Variants in REEP1 observed in about 807,000 individuals in gnomAD.
REEP1 encodes the protein receptor accessory protein 1.
REEP1 carries 22 observed loss-of-function variants against 40.3 expected under a neutral mutation model. The observed-to-expected ratio is 0.55, with a 90% CI of 0.39 to 0.78. The LOEUF (loss-of-function observed/expected upper bound fraction) is 0.78, where lower values mean the gene tolerates loss of function less well. REEP1 is among the 30% of genes least tolerant of loss of function. The pLI is 0.00. For missense variants in REEP1, 280 were observed against 361.1 expected (o/e 0.78, Z 1.82); for synonymous variants, 116 against 139.2 (o/e 0.83, Z 1.17).
Position 86,254,681 on chromosome 2 carries a change from C to A in REEP1, c.303+13G>T. ...TTGCTAGAAAGAATGAAAGACATGG[C>A]AGCATATATTACCTTTTCTTTTGAA... On this transcript the variant is annotated intron_variant, in intron 4 of 8. Transcript: ENST00000538924. The A allele has an allele frequency of 3.1e-6, 5 of 1,611,948 alleles. No individual in the cohort carries two copies. Among genetic ancestry groups the A allele is most frequent in the Middle Eastern group, 3.3e-4 (2 of 6,038 alleles).
Position 86,335,731 on chromosome 2 carries a change from C to T in REEP1, c.32+1748G>A, listed in dbSNP as rs990790688. On this transcript the variant is annotated intron_variant, in intron 1 of 8. Transcript: ENST00000538924. ...GGGCGTGGTGGCAGGCGCTTGTAAT[C>T]CCAGCTACTCGGGAGGCTGAGGCAG... Among the ~76,000 whole-genome samples, 12 of 152,016 alleles carry T rather than the reference C, an allele frequency of 7.9e-5. No homozygotes were observed. The East Asian group carries it at 1.9e-3, about 25-fold the overall frequency.
At chr2:86,226,458 T>C (rs1250364805) in intron 7 of REEP1, among the ~76,000 whole-genome samples, 3 of 36,550 alleles carry the variant, frequency 8.2e-5, no homozygotes, top group African/African-American at 1.5e-4. Context: ...CTGTTGTGGC[T>C]TTTTCTTTTC....
chr2:86,245,589 C>T (rs1002998036), intron 5 of REEP1, among the ~76,000 whole-genome samples: 1 of 152,250 alleles, frequency 6.6e-6, no homozygotes, highest in Non-Finnish European at 1.5e-5. Flanking sequence ...AGTGATTGTA[C>T]TCAATAAATA....
chr2:86,269,633 C>T (rs1677328461), intron 2 of REEP1, among the ~76,000 whole-genome samples: 1 of 152,110 alleles, frequency 6.6e-6, no homozygotes, highest in East Asian at 1.9e-4. Context: ...AAGCTCCCAA[C>T]CAACTGAATG....
Position 86,224,937 on chromosome 2 carries a change from C to G in REEP1, c.631+2426G>C, listed in dbSNP as rs527670560. Among the ~76,000 whole-genome samples, 254 of 152,308 alleles carry G rather than the reference C, an allele frequency of 1.7e-3. 3 individuals carry two copies. Among genetic ancestry groups the G allele is most frequent in the African/African-American group, 5.9e-3 (246 of 41,576 alleles). On this transcript the variant is annotated intron_variant, in intron 7 of 8. Coordinates refer to ENST00000538924, the MANE Select transcript of REEP1 (RefSeq NM_001371279.1). The stretch of plus-strand genomic sequence containing the variant: ...GACAGGGCAGCCACTCTCCCCGACC[C>G]CCAAGTGCCAATCTCCCAGAATTAG...
rs1674003170 is a variant in REEP1 at position 86,214,586 on chromosome 2, A to G, written c.*2453T>C. 6.6e-6 allele frequency: 1 copy of G among 152,654 alleles called. No individual in the cohort carries two copies. The highest frequency in any genetic ancestry group is 2.4e-5 in the African/African-American group (1 of 41,452). 9.5% of individuals were successfully genotyped at this position (152,654 alleles called of 1,614,324 possible). On this transcript the variant is annotated 3_prime_UTR_variant, in exon 9 of 9. Transcript: ENST00000538924. The stretch of plus-strand genomic sequence containing the variant: ...TTGTATCCTCTAGACAGAACACCAC[A>G]CCACTACATGTACACTTACAGGCTT...
At chr2:86,260,555 A>G (rs1158341247) in intron 3 of REEP1, among the ~76,000 whole-genome samples, 1 of 152,212 alleles carries the variant, frequency 6.6e-6, no homozygotes, top group African/African-American at 2.4e-5. Flanking sequence ...ATCTAATCAC[A>G]AGAGCCCTTA....
At chr2:86,322,758 A>G (rs992063603) in intron 1 of REEP1, among the ~76,000 whole-genome samples, 3 of 149,888 alleles carry the variant, frequency 2.0e-5, no homozygotes, top group Admixed American at 1.3e-4. Flanking sequence ...CTGGCCCCCA[A>G]TTTTTTTTTT....
chr2:86,255,848 T>C (rs1676525781), intron 3 of REEP1, among the ~76,000 whole-genome samples: 1 of 152,226 alleles, frequency 6.6e-6, no homozygotes, highest in Non-Finnish European at 1.5e-5. Context: ...ACCACAGAGC[T>C]TGGTCTGAAT....
intron 2 of REEP1, among the ~76,000 whole-genome samples, chr2:86,266,003 C>T (rs1677114765): frequency 6.6e-6 from 1 of 152,124 alleles, no homozygotes; most frequent in African/African-American, 2.4e-5. Context: ...ACACAAGGTT[C>T]TGTATACAAT....
At chr2:86,249,354 C>T (rs1323427956) in intron 5 of REEP1, among the ~76,000 whole-genome samples, 2 of 152,286 alleles carry the variant, frequency 1.3e-5, no homozygotes, top group African/African-American at 2.4e-5. Flanking sequence ...TCCCCCTCCC[C>T]GCTGCCCGGT....
chr2:86,265,466 T>A (rs905942983), intron 2 of REEP1, among the ~76,000 whole-genome samples: 1 of 152,158 alleles, frequency 6.6e-6, no homozygotes, highest in African/African-American at 2.4e-5. Context: ...TGAATTTAAC[T>A]GCCTGCTAGA....
chr2:86,288,608 A>T (rs2104419210), intron 1 of REEP1, among the ~76,000 whole-genome samples: 1 of 152,308 alleles, frequency 6.6e-6, no homozygotes, highest in South Asian at 2.1e-4. Flanking sequence ...GGCACATTTG[A>T]GACCTTCTCT....
intron 7 of REEP1, among the ~76,000 whole-genome samples, chr2:86,222,660 A>G (rs926471181): frequency 6.6e-6 from 1 of 152,210 alleles, no homozygotes; most frequent in African/African-American, 2.4e-5. Context: ...GTATGCATTT[A>G]AAATGTCCTT....
intron 7 of REEP1, among the ~76,000 whole-genome samples, chr2:86,222,331 T>C (rs1324676381): frequency 6.6e-6 from 1 of 152,136 alleles, no homozygotes; most frequent in African/African-American, 2.4e-5. Context: ...AGTGCTCAGC[T>C]CAGCAGAGGC....
At chr2:86,334,961 C>G (rs1680944007) in intron 1 of REEP1, among the ~76,000 whole-genome samples, 1 of 152,204 alleles carries the variant, frequency 6.6e-6, no homozygotes, top group African/African-American at 2.4e-5. Context: ...GAGTTGTGAA[C>G]TGGGATCTTC....
At chr2:86,253,186 CAGG>C (rs1268415837) in intron 4 of REEP1, among the ~76,000 whole-genome samples, 7 of 152,116 alleles carry the variant, frequency 4.6e-5, no homozygotes, top group African/African-American at 9.7e-5. Flanking sequence ...GAGGCTGAGG[CAGG>C]AGAATTGCTG....
chr2:86,226,977 G>T (rs1259818349), intron 7 of REEP1, among the ~76,000 whole-genome samples: 1 of 152,148 alleles, frequency 6.6e-6, no homozygotes. Context: ...TCTCTTGAAT[G>T]GCTCACTCTA....
chr2:86,317,389 A>C (rs761003338), intron 1 of REEP1, among the ~76,000 whole-genome samples: 9 of 152,202 alleles, frequency 5.9e-5, no homozygotes, highest in Admixed American at 1.3e-4. Context: ...TTTTTACTGT[A>C]CAGAACAGTG....
Sources: allele counts gnomAD v4.1 joint callset (sites outside exome capture counted in the v4.1 genomes callset), GRCh38; gene constraint gnomAD v4.1.1; transcripts MANE v1.5; gene names NCBI Gene and HGNC (gene_info 2026-07-23, HGNC 2026-07-21).